The following TBC1D32 variants were observed in gnomAD, a reference collection of about 807,000 sequenced individuals.
TBC1D32 encodes the protein TBC1 domain family member 32.
A neutral mutation model predicts 170.3 loss-of-function variants in TBC1D32; 151 were observed. The ratio of observed to expected loss-of-function variants is 0.89; its 90% CI spans 0.78 to 1.01. The LOEUF (loss-of-function observed/expected upper bound fraction) is 1.01, where lower values mean the gene tolerates loss of function less well. TBC1D32 is among the 50% of genes least tolerant of loss of function. TBC1D32 has a pLI of 0.00. For missense variants in TBC1D32, 1,464 were observed against 1,457.1 expected, an observed-to-expected ratio of 1.00 and a Z score of -0.08; for synonymous variants, 498 against 488.0, an observed-to-expected ratio of 1.02 and a Z score of -0.27.
chr6:121,146,710 A>G (rs1266150914), intron 24 of TBC1D32, among the ~76,000 whole-genome samples: 1 of 152,208 alleles, frequency 6.6e-6, no homozygotes, highest in South Asian at 2.1e-4. Flanking sequence ...TTCCTGAATC[A>G]TAGATAAGAG....
chr6:121,210,400 C>A (rs935652418), intron 21 of TBC1D32, among the ~76,000 whole-genome samples: 1 of 152,142 alleles, frequency 6.6e-6, no homozygotes, highest in Non-Finnish European at 1.5e-5. Context: ...AGGAAACAGG[C>A]ACTATAATAT....
intron 22 of TBC1D32, among the ~76,000 whole-genome samples, chr6:121,174,333 T>C (rs1027741104): frequency 1.5e-4 from 23 of 152,116 alleles, no homozygotes; most frequent in African/African-American, 5.3e-4. Context: ...TCTTTAAAGA[T>C]ATTAGTCAAG....
intron 11 of TBC1D32, among the ~76,000 whole-genome samples, chr6:121,293,222 G>A (rs1805132957): frequency 1.3e-5 from 2 of 151,710 alleles, no homozygotes; most frequent in Admixed American, 6.6e-5. Context: ...AGTAATGAGG[G>A]GAAAGGAGCT....
intron 22 of TBC1D32, among the ~76,000 whole-genome samples, chr6:121,188,093 T>G (rs1030513480): frequency 1.9e-4 from 29 of 152,138 alleles, no homozygotes; most frequent in Admixed American, 1.9e-3. Flanking sequence ...AACTTCTCTG[T>G]GTCCCAGTTG....
In TBC1D32 at chr6:121,106,071, C is replaced by A; in HGVS notation, c.3417G>T (p.Leu1139Phe). ...HYIEMLLKAE[L>F]PLVFSAFHMS... Reference sequence around the variant, plus strand: ...TGTGAAAAGCTGAAAACACAAGAGGCAACTCAGCCTTCAGTAGCATTTCAA... The same window carrying A: ...TGTGAAAAGCTGAAAACACAAGAGGAAACTCAGCCTTCAGTAGCATTTCAA... Residue 1139 changes from leucine (L) to phenylalanine (F), a missense_variant, in exon 30 of 32, where the codon TTG becomes TTT. Transcript: ENST00000398212. 6.2e-7 allele frequency: 1 copy of A among 1,608,846 alleles called. No homozygotes were observed. Among genetic ancestry groups the A allele is most frequent in the South Asian group, 1.1e-5 (1 of 90,374 alleles).
At chr6:121,205,285 G>A (rs190334939) in intron 21 of TBC1D32, 122 bp from the exon 22 acceptor site, 68 of 493,330 alleles carry the variant, frequency 1.4e-4, no homozygotes, top group African/African-American at 1.3e-3. Context: ...ATCACCTGGG[G>A]AGCTGTAAAT....
intron 27 of TBC1D32, among the ~76,000 whole-genome samples, chr6:121,114,363 A>C (rs1035594636): frequency 6.6e-6 from 1 of 152,224 alleles, no homozygotes; most frequent in African/African-American, 2.4e-5. Flanking sequence ...ATAAGATATT[A>C]TATTGAGTTA....
At chr6:121,138,163 C>G (rs1252269902) in intron 24 of TBC1D32, among the ~76,000 whole-genome samples, 1 of 152,090 alleles carries the variant, frequency 6.6e-6, no homozygotes, top group Non-Finnish European at 1.5e-5. Context: ...ATACATCATT[C>G]CATCTATAAA....
chr6:121,180,522 G>T (rs1264125589), intron 22 of TBC1D32, among the ~76,000 whole-genome samples: 3 of 152,090 alleles, frequency 2.0e-5, no homozygotes, highest in African/African-American at 4.8e-5. Flanking sequence ...AATAAATGGT[G>T]CTGGGAAAAC....
In TBC1D32 at chr6:121,303,762, C is replaced by G; in HGVS notation, c.936-1G>C. 2.0e-6 allele frequency: 3 copies of G among 1,513,212 alleles called. No individual in the cohort carries two copies. Among genetic ancestry groups the G allele is most frequent in the Non-Finnish European group, 1.8e-6 (2 of 1,117,918 alleles). 93.7% of individuals were successfully genotyped at this position (1,513,212 alleles called of 1,614,324 possible). ...ACTCTCCACAATTTCTTCCATATAC[C>G]TTAAAGTTTGGGAAAAAAGAAATAC... On this transcript the variant is annotated splice_acceptor_variant, in intron 8 of 31. Transcript: ENST00000398212. LOFTEE classifies it high-confidence loss of function.
chr6:121,329,269 C>T (rs1011616204), intron 1 of TBC1D32, among the ~76,000 whole-genome samples: 64 of 152,058 alleles, frequency 4.2e-4, no homozygotes, highest in African/African-American at 1.5e-3. Context: ...TATAAAAATA[C>T]GGAGAGGTTA....
chr6:121,306,579 T>A (rs1365461698), intron 5 of TBC1D32, among the ~76,000 whole-genome samples: 1 of 152,170 alleles, frequency 6.6e-6, no homozygotes, highest in Non-Finnish European at 1.5e-5. Flanking sequence ...GCCAAAACTA[T>A]CTTCACTGAT....
intron 22 of TBC1D32, among the ~76,000 whole-genome samples, chr6:121,200,086 G>A (rs1349703640): frequency 6.6e-6 from 1 of 151,214 alleles, no homozygotes; most frequent in African/African-American, 2.5e-5. Context: ...TGTTCTGTAA[G>A]TATAGACTCC....
At chr6:121,254,383 T>A (rs760514536) in intron 17 of TBC1D32, among the ~76,000 whole-genome samples, 2 of 151,778 alleles carry the variant, frequency 1.3e-5, no homozygotes, top group Admixed American at 1.3e-4. Flanking sequence ...CCAAAAACTA[T>A]TGAAATAAAA....
intron 15 of TBC1D32, among the ~76,000 whole-genome samples, chr6:121,274,378 A>C (rs1468910408): frequency 2.0e-5 from 3 of 151,806 alleles, no homozygotes; most frequent in African/African-American, 7.2e-5. Flanking sequence ...AACCCACACA[A>C]CTTAAATGAA....
chr6:121,290,307 AAAAC>A (rs1256179357), intron 12 of TBC1D32, among the ~76,000 whole-genome samples: 2 of 152,220 alleles, frequency 1.3e-5, no homozygotes, highest in Non-Finnish European at 2.9e-5. Flanking sequence ...TTACAAGAAA[AAAAC>A]AAACAACCCC....
chr6:121,290,589 T>C (rs1160428399), intron 12 of TBC1D32, among the ~76,000 whole-genome samples: 1 of 152,212 alleles, frequency 6.6e-6, no homozygotes, highest in Non-Finnish European at 1.5e-5. Flanking sequence ...GAAGTCAGTG[T>C]GGCGATTCCT....
chr6:121,253,686 T>C (rs1415616050), intron 17 of TBC1D32, among the ~76,000 whole-genome samples: 1 of 151,746 alleles, frequency 6.6e-6, no homozygotes, highest in Admixed American at 6.6e-5. Flanking sequence ...TCCACTGCAC[T>C]CCAGCCTGGG....
Position 121,321,750 on chromosome 6 carries a change from A to C in TBC1D32, c.200T>G (p.Leu67Trp), listed in dbSNP as rs1442261150. The C allele has an allele frequency of 6.2e-7, 1 of 1,614,010 alleles. No homozygotes were observed. The highest frequency in any genetic ancestry group is 1.7e-5 in the Admixed American group (1 of 60,022). ...KYLRQHIGNT[L>W]GSMIEEEMEK... ...CATTTCTTCTTCAATCATAGAACCC[A>C]AAGTGTTGCCTATATGCTGCCTGAG... The change falls in exon 2 of 32, where the codon TTG becomes TGG. Residue 67 changes from leucine (L) to tryptophan (W), a missense_variant. This residue lies in a region of TBC1D32 where 1,363 missense variants were observed against 1,338.1 expected (regional missense o/e 1.02). Coordinates refer to ENST00000398212, the MANE Select transcript of TBC1D32 (RefSeq NM_152730.6).
Sources: gnomAD v4.1 joint callset for allele counts (sites outside exome capture counted in the v4.1 genomes callset) on GRCh38, gnomAD v4.1.1 for gene constraint, gnomAD v4.1.1 regional missense constraint, MANE v1.5 for transcripts, NCBI Gene and HGNC (gene_info 2026-07-23, HGNC 2026-07-21) for gene names.